The following SLC25A28 variants were observed in gnomAD, a reference collection of about 807,000 sequenced individuals.
The protein encoded by SLC25A28 is solute carrier family 25 member 28, also known as mitoferrin-2.
In SLC25A28, 10 loss-of-function variants were observed where a neutral mutation model predicts 31.9. The ratio of observed to expected loss-of-function variants is 0.31; its 90% confidence interval spans 0.19 to 0.53. SLC25A28 has a LOEUF of 0.53. Among genes scored for constraint, SLC25A28 ranks in the 20% least tolerant of loss-of-function variants. SLC25A28 has a pLI of 0.95. For synonymous variants in SLC25A28, 208 were observed against 203.6 expected (o/e 1.02, Z -0.19); for missense variants, 256 against 490.3 (o/e 0.52, Z 4.51).
the SLC25A28 span, among the ~76,000 whole-genome samples, chr10:99,627,739 C>A: frequency 1.3e-5 from 2 of 152,092 alleles, no homozygotes; most frequent in African/African-American, 4.8e-5. Context: ...CCGTACCCTG[C>A]CCACTTTTAA....
At chr10:99,640,145 T>C in the SLC25A28 span, among the ~76,000 whole-genome samples, 1 of 152,216 alleles carries the variant, frequency 6.6e-6, no homozygotes, top group Admixed American at 6.5e-5. Context: ...CTATATTGTT[T>C]TATATTAGTT....
chr10:99,625,057 T>C (rs1479734100), upstream of SLC25A28, among the ~76,000 whole-genome samples: 1 of 150,546 alleles, frequency 6.6e-6, no homozygotes, highest in Non-Finnish European at 1.5e-5. Context: ...GTGTCTGGAG[T>C]TTGTTCCTTC....
upstream of SLC25A28, among the ~76,000 whole-genome samples, chr10:99,624,362 C>G (rs993047377): frequency 6.6e-6 from 1 of 152,034 alleles, no homozygotes; most frequent in African/African-American, 2.4e-5. Flanking sequence ...TCCCAAAGTG[C>G]TGAGATTACA....
intron 1 of SLC25A28, chr10:99,619,253 AATACCGT>A (rs2034728849): frequency 1.0e-6 from 1 of 985,168 alleles, no homozygotes. Context: ...TCTACTTTCT[AATACCGT>A]CACACTTCCT....
the SLC25A28 span, among the ~76,000 whole-genome samples, chr10:99,626,943 T>A: frequency 0.85 from 129,421 of 151,696 alleles, 55,329 homozygotes; most frequent in Middle Eastern, 0.92. Flanking sequence ...TGTATTTTTT[T>A]AAAAAAATAA....
At chr10:99,623,484 T>A (rs2034829310), upstream of SLC25A28, among the ~76,000 whole-genome samples, 1 of 152,210 alleles carries the variant, frequency 6.6e-6, no homozygotes, top group Non-Finnish European at 1.5e-5. Context: ...CATTCTGAAC[T>A]GTTTCTTCTG....
the SLC25A28 span, among the ~76,000 whole-genome samples, chr10:99,637,270 G>A: frequency 6.6e-6 from 1 of 152,104 alleles, no homozygotes; most frequent in Non-Finnish European, 1.5e-5. Context: ...AGCAAAATCA[G>A]CATACATGGG....
At position 99,613,336 on chromosome 10, in the gene SLC25A28, T is replaced by C; in HGVS notation, c.520+360A>G. 1 of 1,121,434 alleles carries C rather than the reference T, an allele frequency of 8.9e-7. No individual in the cohort carries two copies. Among genetic ancestry groups the C allele is most frequent in the African/African-American group, 1.6e-5 (1 of 61,614 alleles). The allele number at this position is 1,121,434 out of a possible 1,614,324, so 69.5% of individuals were successfully genotyped here. ...TCCTTGGGTGGCTGGCTGGGTCGCC[T>C]CCAATCCTGCCCTAAGGAGCAGGAC... is the stretch of plus-strand genomic sequence containing the variant. On this transcript the variant is annotated intron_variant, in intron 2 of 3. Coordinates refer to ENST00000370495, the MANE Select transcript of SLC25A28 (RefSeq NM_031212.4). This position sits in a 1 kb window ranked among gnomAD's most constrained non-coding sequence, Gnocchi z 4.9.
chr10:99,629,928 C>A, the SLC25A28 span, among the ~76,000 whole-genome samples: 1 of 152,194 alleles, frequency 6.6e-6, no homozygotes, highest in African/African-American at 2.4e-5. Flanking sequence ...AATCCCAACC[C>A]TTTGGGAGGC....
At chr10:99,627,226 CCG>C in the SLC25A28 span, among the ~76,000 whole-genome samples, 1 of 152,012 alleles carries the variant, frequency 6.6e-6, no homozygotes, top group African/African-American at 2.4e-5. Context: ...AGGCGACAGA[CCG>C]AGACAATCTC....
At chr10:99,622,980 C>A (rs1276200815), upstream of SLC25A28, among the ~76,000 whole-genome samples, 1 of 152,160 alleles carries the variant, frequency 6.6e-6, no homozygotes, top group East Asian at 1.9e-4. Flanking sequence ...AAAATACACA[C>A]AAAAAATGTC....
chr10:99,618,704 TGTTAGGA>T, intron 1 of SLC25A28: 1 of 985,462 alleles, frequency 1.0e-6, no homozygotes, highest in Non-Finnish European at 1.2e-6. Context: ...ATATGGCCCT[TGTTAGGA>T]GTTACCTTGT....
the SLC25A28 span, among the ~76,000 whole-genome samples, chr10:99,638,165 C>T: frequency 1.3e-5 from 2 of 152,012 alleles, no homozygotes; most frequent in African/African-American, 4.8e-5. Context: ...AACTGATCTT[C>T]GATAAAGCAA....
intron 1 of SLC25A28, chr10:99,618,607 A>C (rs1490991599): frequency 9.1e-6 from 9 of 985,212 alleles, no homozygotes; most frequent in African/African-American, 1.7e-5. Context: ...TGGATTTTAC[A>C]GTTTATTTCT....
the SLC25A28 span, among the ~76,000 whole-genome samples, chr10:99,639,127 A>G: frequency 2.0e-5 from 3 of 151,742 alleles, no homozygotes; most frequent in Non-Finnish European, 4.4e-5. Context: ...TCTCAATAAT[A>G]TATATATGAG....
At chr10:99,615,307 G>A (rs2034621865) in intron 1 of SLC25A28, 1 of 713,996 alleles carries the variant, frequency 1.4e-6, no homozygotes, top group Non-Finnish European at 1.7e-6. Flanking sequence ...GCCTTCGCTG[G>A]TTTGAGCCAC....
chr10:99,624,225 CTTCT>C (rs1448117661), upstream of SLC25A28, among the ~76,000 whole-genome samples: 2 of 111,692 alleles, frequency 1.8e-5, no homozygotes, highest in Non-Finnish European at 3.8e-5. Context: ...CTTTTTCTTT[CTTCT>C]TTCTTTTTTC....
At chr10:99,637,137 T>C in the SLC25A28 span, among the ~76,000 whole-genome samples, 1 of 152,226 alleles carries the variant, frequency 6.6e-6, no homozygotes, top group South Asian at 2.1e-4. Context: ...TGGTTTAACA[T>C]ACACAAGTCA....
rs1286571111 is a variant in SLC25A28, at chr10:99,619,073, A to G, written c.291+972T>C. The stretch of plus-strand genomic sequence containing the variant: ...CTGGCACCTTTACTAATGTACAAGA[A>G]TAAGAACTGTAAAGAACAATAATCT... On this transcript the variant is annotated intron_variant, in intron 1 of 3. Transcript: ENST00000370495. 12 of 985,468 alleles carry G rather than the reference A, an allele frequency of 1.2e-5. No individual in the cohort carries two copies. In the East Asian group the frequency reaches 5.7e-4, roughly 47 times the overall value. 61.0% of individuals were successfully genotyped at this position (985,468 alleles called of 1,614,324 possible).
Sources: allele counts gnomAD v4.1 joint callset (sites outside exome capture counted in the v4.1 genomes callset), GRCh38; gene constraint gnomAD v4.1.1; non-coding constraint Gnocchi (gnomAD v3.1); transcripts MANE v1.5; gene names NCBI Gene and HGNC (gene_info 2026-07-23, HGNC 2026-07-21).